Variants in NAALAD2 observed in about 807,000 individuals in gnomAD.
NAALAD2 encodes the protein N-acetylated alpha-linked acidic dipeptidase 2, also known as N-acetylated-alpha-linked acidic dipeptidase 2.
Under a neutral mutation model 95.6 loss-of-function variants are expected in NAALAD2, and 89 were observed. That is an observed-to-expected ratio of 0.93 (90% CI 0.78 to 1.11). NAALAD2 has a LOEUF of 1.11. Ranked by LOEUF, NAALAD2 falls within the 50% of genes least tolerant of loss-of-function variation. The pLI is 0.00. For synonymous variants in NAALAD2, 264 were observed against 294.4 expected (o/e 0.90, Z 1.06); for missense variants, 894 against 872.4 (o/e 1.02, Z -0.31).
rs943496850 is a variant in NAALAD2, at chr11:90,179,355, CAT to C, written c.1858+1239_1858+1240del. On this transcript the variant is annotated intron_variant, in intron 16 of 18. Coordinates refer to ENST00000534061, the MANE Select transcript of NAALAD2 (RefSeq NM_005467.4). ...ATAGTCCTAAGAAAGCTTAAAGTCTCATGTGGGGAATAAAGCAATATACAGAT... is the reference window on the plus strand; with the variant it reads ...ATAGTCCTAAGAAAGCTTAAAGTCTCGTGGGGAATAAAGCAATATACAGAT... Among the ~76,000 whole-genome samples, 5 of 152,094 alleles carry C rather than the reference CAT, an allele frequency of 3.3e-5. No individual in the cohort carries two copies. The East Asian group carries it at 5.8e-4, about 18-fold the overall frequency.
intron 18 of NAALAD2, among the ~76,000 whole-genome samples, chr11:90,187,729 C>T (rs544697090): frequency 4.1e-4 from 63 of 152,248 alleles, no homozygotes; most frequent in African/African-American, 1.4e-3. Flanking sequence ...GGATCAATGA[C>T]ATTTTTAAGA....
At chr11:90,141,399 A>T (rs1951610569) in intron 2 of NAALAD2, among the ~76,000 whole-genome samples, 1 of 152,102 alleles carries the variant, frequency 6.6e-6, no homozygotes, top group Non-Finnish European at 1.5e-5. Context: ...TTCTTTTATC[A>T]GCATTTTGTA....
At chr11:90,144,740 T>TAAAAAA (rs773275468) in intron 2 of NAALAD2, among the ~76,000 whole-genome samples, 3,565 of 90,668 alleles carry the variant, frequency 0.039, 121 homozygotes, top group East Asian at 0.11. Flanking sequence ...AAAACTCCAT[T>TAAAAAA]AAAAAAAAAA....
chr11:90,178,983 C>G (rs1300121060), intron 16 of NAALAD2, among the ~76,000 whole-genome samples: 3 of 152,094 alleles, frequency 2.0e-5, no homozygotes, highest in African/African-American at 4.8e-5. Flanking sequence ...AGTGGTTTGC[C>G]TGGTTCAGAT....
At chr11:90,149,294 C>T (rs1280992604) in intron 4 of NAALAD2, among the ~76,000 whole-genome samples, 187 bp downstream of exon 4, 2 of 152,094 alleles carry the variant, frequency 1.3e-5, no homozygotes, top group Admixed American at 6.6e-5. Context: ...TAGAAAAGAA[C>T]ACCAGAGAAA....
In NAALAD2 at chr11:90,163,337, G is replaced by C. The variant is rs569192492; in HGVS notation, c.1103G>C (p.Arg368Pro). 6.2e-7 allele frequency: 1 copy of C among 1,613,716 alleles called. No individual in the cohort carries two copies. Among genetic ancestry groups the C allele is most frequent in the African/African-American group, 1.3e-5 (1 of 74,888 alleles). ...AGGTATGTTATTCTGGGAGGTCACC[G>C]GGACTCCTGGGTATTTGGAGCTATT... The part of the protein sequence containing the change: ...PDRYVILGGH[R>P]DSWVFGAIDP... The change falls in exon 10 of 19, where the codon CGG becomes CCG. Residue 368 changes from arginine (R) to proline (P), a missense_variant. By Grantham distance (103) the Arg-to-Pro change is moderately radical (BLOSUM62 -2). Coordinates refer to ENST00000534061, the MANE Select transcript of NAALAD2 (RefSeq NM_005467.4).
intron 18 of NAALAD2, among the ~76,000 whole-genome samples, chr11:90,189,367 CTG>C (rs1857256259): frequency 6.6e-6 from 1 of 152,170 alleles, no homozygotes; most frequent in Non-Finnish European, 1.5e-5. Flanking sequence ...TGAACACACT[CTG>C]TAATGGAATC....
chr11:90,155,592 ATG>A (rs201027198), intron 6 of NAALAD2, among the ~76,000 whole-genome samples: 38,707 of 95,894 alleles, frequency 0.4, 8,252 homozygotes, highest in African/African-American at 0.51. Flanking sequence ...TGTAATATAT[ATG>A]TAATAATATA....
Position 90,187,429 on chromosome 11 carries a change from ATAT to A in NAALAD2, c.2034-4122_2034-4120del, listed in dbSNP as rs577517174. On this transcript the variant is annotated intron_variant, in intron 18 of 18. Transcript: ENST00000534061. ...TAAGATTATATTCTAATGCTAATTC[ATAT>A]TATTATGTTTTAGTCTACTGCAGTA... 7.7e-4 allele frequency among the ~76,000 whole-genome samples: 117 copies of A among 152,258 alleles called. 1 individual carries two copies. Among genetic ancestry groups the A allele is most frequent in the Non-Finnish European group, 9.7e-4 (66 of 68,028 alleles).
chr11:90,137,668 A>G (rs954416997), intron 2 of NAALAD2, among the ~76,000 whole-genome samples: 8 of 152,118 alleles, frequency 5.3e-5, no homozygotes, highest in Non-Finnish European at 1.0e-4. Flanking sequence ...CAGTGGTGCA[A>G]TCTCAGCTCA....
intron 18 of NAALAD2, among the ~76,000 whole-genome samples, chr11:90,190,618 C>A (rs1440957994): frequency 6.6e-6 from 1 of 152,054 alleles, no homozygotes; most frequent in African/African-American, 2.4e-5. Context: ...GACTCATATA[C>A]AGGTCAGGAT....
chr11:90,184,825 A>G (rs1279357697), intron 18 of NAALAD2, among the ~76,000 whole-genome samples: 2 of 152,014 alleles, frequency 1.3e-5, no homozygotes, highest in Non-Finnish European at 2.9e-5. Flanking sequence ...TGTGAGTTCC[A>G]CATCTGTTGA....
chr11:90,180,080 TG>T (rs1245444240), intron 16 of NAALAD2, among the ~76,000 whole-genome samples: 6 of 151,962 alleles, frequency 3.9e-5, no homozygotes, highest in Non-Finnish European at 1.5e-5. Context: ...AATGAATGAA[TG>T]AATGAATGAA....
chr11:90,167,244 T>G (rs1952488752), intron 11 of NAALAD2, among the ~76,000 whole-genome samples: 1 of 152,054 alleles, frequency 6.6e-6, no homozygotes, highest in Non-Finnish European at 1.5e-5. Context: ...CCAGCGAGAG[T>G]TCCGGGTGGG....
At position 90,163,528 on chromosome 11, in the gene NAALAD2, C is replaced by T. The variant is rs922657561; in HGVS notation, c.1196-7C>T. 5.0e-6 allele frequency: 8 copies of T among 1,613,640 alleles called. No individual in the cohort carries two copies. The Middle Eastern group carries it at 5.0e-4, about 100-fold the overall frequency. On this transcript the variant is annotated splice_region_variant and splice_polypyrimidine_tract_variant and intron_variant, in intron 10 of 18. Coordinates refer to ENST00000534061, the MANE Select transcript of NAALAD2 (RefSeq NM_005467.4). ...TACCTAACCACGTGTGTTAACAATT[C>T]TTACAGGCTGGAGACCTAGAAGAAC...
intron 18 of NAALAD2, among the ~76,000 whole-genome samples, chr11:90,189,283 T>C (rs1020460543): frequency 6.6e-6 from 1 of 152,148 alleles, no homozygotes; most frequent in Non-Finnish European, 1.5e-5. Context: ...GAGACTTATG[T>C]CAGACCAACT....
chr11:90,138,725 C>CTTTTTTTTTT (rs562496549), intron 2 of NAALAD2, among the ~76,000 whole-genome samples: 4 of 61,530 alleles, frequency 6.5e-5, no homozygotes, highest in East Asian at 5.1e-4. Context: ...CATCCCTCAA[C>CTTTTTTTTTT]TTTTTTTTTT....
At position 90,159,278 on chromosome 11, in the gene NAALAD2, G is replaced by A; in HGVS notation, c.930G>A (p.Lys310=). The part of the protein sequence containing the change: ...GGIAPPDKSW[K]GALNVSYSIG... Reference sequence around the variant, plus strand: ...TTGCTCCACCAGATAAGAGTTGGAAGGGAGCCCTTAATGTGAGTTATAGTA... The same window carrying A: ...TTGCTCCACCAGATAAGAGTTGGAAAGGAGCCCTTAATGTGAGTTATAGTA... The change falls in exon 8 of 19, where the codon AAG becomes AAA. Residue 310 remains lysine (K), a synonymous_variant. Coordinates refer to ENST00000534061, the MANE Select transcript of NAALAD2 (RefSeq NM_005467.4). The A allele has an allele frequency of 6.2e-7, 1 of 1,613,896 alleles. No individual in the cohort carries two copies. The highest frequency in any genetic ancestry group is 8.5e-7 in the Non-Finnish European group (1 of 1,179,880).
At chr11:90,191,231 C>A (rs1857314834) in intron 18 of NAALAD2, among the ~76,000 whole-genome samples, 2 of 152,056 alleles carry the variant, frequency 1.3e-5, no homozygotes, top group Non-Finnish European at 1.5e-5. Context: ...TAAAAACATC[C>A]ATAAACTTAC....
Sources: allele counts gnomAD v4.1 joint callset (sites outside exome capture counted in the v4.1 genomes callset), GRCh38; gene constraint gnomAD v4.1.1; transcripts MANE v1.5; gene names NCBI Gene and HGNC (gene_info 2026-07-23, HGNC 2026-07-21).